Variants in NEMF observed in about 807,000 individuals in gnomAD.
The protein encoded by NEMF is ribosome quality control complex subunit NEMF.
In NEMF, 89 loss-of-function variants were observed where a neutral mutation model predicts 162.2. The observed-to-expected ratio is 0.55, with a 90% CI of 0.46 to 0.65. The LOEUF (loss-of-function observed/expected upper bound fraction) is 0.65, where lower values mean the gene tolerates loss of function less well. Ranked by LOEUF, NEMF falls within the 30% of genes least tolerant of loss-of-function variation. The probability of loss-of-function intolerance (pLI) is 0.00; values close to 1 mark genes in which losing one functional copy is unlikely to be tolerated. For missense variants in NEMF, 1,133 were observed against 1,261.9 expected (o/e 0.90, Z 1.55); for synonymous variants, 421 against 404.5 (o/e 1.04, Z -0.49).
At chr14:49,798,833 G>A (rs1379539627) in intron 25 of NEMF, among the ~76,000 whole-genome samples, 1 of 152,048 alleles carries the variant, frequency 6.6e-6, no homozygotes, top group Non-Finnish European at 1.5e-5. Flanking sequence ...CGTGAACCCG[G>A]GAGGTGGGGC....
rs188056862 is a variant in NEMF at position 49,818,438 on chromosome 14, C to T, written c.1578-3581G>A. On this transcript the variant is annotated intron_variant, in intron 16 of 32. Coordinates refer to ENST00000298310, the MANE Select transcript of NEMF (RefSeq NM_004713.6). ...AATCCTAAGCTGATGGTGAAAAAAG[C>T]AACAACTAAATTTGCAATGTAAAAC... is the stretch of plus-strand genomic sequence containing the variant. 4 of 152,204 alleles carry T rather than the reference C, an allele frequency of 2.6e-5. No individual in the cohort carries two copies. In the East Asian group the frequency reaches 7.7e-4, roughly 29 times the overall value. 9.4% of individuals were successfully genotyped at this position (152,204 alleles called of 1,614,324 possible). A position where few individuals can be genotyped will look rare whatever the true frequency, so the allele number is the denominator to read the frequency against.
At chr14:49,818,019 A>T (rs907177778) in intron 16 of NEMF, among the ~76,000 whole-genome samples, 9 of 152,134 alleles carry the variant, frequency 5.9e-5, no homozygotes, top group Non-Finnish European at 1.0e-4. Flanking sequence ...AACAAAACAG[A>T]GAGGGAGAAG....
chr14:49,798,080 C>G (rs1890774268), intron 25 of NEMF, among the ~76,000 whole-genome samples: 1 of 152,182 alleles, frequency 6.6e-6, no homozygotes, highest in East Asian at 1.9e-4. Flanking sequence ...TTTGCCCTGA[C>G]CTGCCAGGAT....
In NEMF at chr14:49,825,966, A is replaced by G; in HGVS notation, c.1489-11T>C. 2.6e-6 allele frequency: 4 copies of G among 1,567,318 alleles called. No homozygotes were observed. The highest frequency in any genetic ancestry group is 3.5e-6 in the Non-Finnish European group (4 of 1,144,752). On this transcript the variant is annotated splice_polypyrimidine_tract_variant and intron_variant, in intron 15 of 32. Coordinates refer to ENST00000298310, the MANE Select transcript of NEMF (RefSeq NM_004713.6). ...TGCTGACTTGAATGCCTATTTATAG[A>G]AAAGAGTTTTAAAAACAATTTGTTA...
At chr14:49,818,041 A>G (rs1884351716) in intron 16 of NEMF, among the ~76,000 whole-genome samples, 1 of 151,698 alleles carries the variant, frequency 6.6e-6, no homozygotes, top group African/African-American at 2.4e-5. Flanking sequence ...GACAAATACA[A>G]CCAAATTTTG....
In NEMF at chr14:49,796,893, T is replaced by C. The variant is rs547452128; in HGVS notation, c.2466-949A>G. 2.6e-5 allele frequency among the ~76,000 whole-genome samples: 4 copies of C among 152,352 alleles called. No homozygotes were observed. The South Asian group carries it at 8.3e-4, about 32-fold the overall frequency. Reference sequence around the variant, plus strand: ...CCAAAGAAGCACTCCCCTTTGTTAATGCTAATTCTCCTTGGAGTCTCCCTC... The same window carrying C: ...CCAAAGAAGCACTCCCCTTTGTTAACGCTAATTCTCCTTGGAGTCTCCCTC... On this transcript the variant is annotated intron_variant, in intron 25 of 32. Transcript: ENST00000298310.
In NEMF at chr14:49,838,226, T is replaced by C; in HGVS notation, c.507-20A>G. Reference sequence around the variant, plus strand: ...GTCAACCTGTGAAACAAAACGGACATGCCTCTATCATATCTTAAATAAACC... The same window carrying C: ...GTCAACCTGTGAAACAAAACGGACACGCCTCTATCATATCTTAAATAAACC... On this transcript the variant is annotated intron_variant, in intron 5 of 32. Transcript: ENST00000298310. 6 of 1,610,100 alleles carry C rather than the reference T, an allele frequency of 3.7e-6. No homozygotes were observed. The highest frequency in any genetic ancestry group is 2.2e-5 in the East Asian group (1 of 44,832).
At chr14:49,828,232 T>A in intron 15 of NEMF, 59 bp downstream of exon 15, 2 of 1,093,482 alleles carry the variant, frequency 1.8e-6, no homozygotes, top group Non-Finnish European at 2.8e-6. Context: ...GAAATAATTA[T>A]GTCCATTAAA....
At chr14:49,795,697 T>C in intron 26 of NEMF, 94 bp downstream of exon 26, 1 of 1,150,896 alleles carries the variant, frequency 8.7e-7, no homozygotes, top group Non-Finnish European at 1.3e-6. Context: ...GGATTATTTT[T>C]TGGCCTACAT....
At position 49,828,369 on chromosome 14, in the gene NEMF, T is replaced by G. The variant is rs1210438856; in HGVS notation, c.1425-15A>C. 3 of 1,479,250 alleles carry G rather than the reference T, an allele frequency of 2.0e-6. No individual in the cohort carries two copies. The South Asian group carries it at 3.7e-5, about 18-fold the overall frequency. The allele number at this position is 1,479,250 out of a possible 1,614,324, so 91.6% of individuals were successfully genotyped here. ...GATCATAATACCTAGAAAAACATATTTCTCTTAAATTTTAAGTATAATATT... is the reference window on the plus strand; with the variant it reads ...GATCATAATACCTAGAAAAACATATGTCTCTTAAATTTTAAGTATAATATT... On this transcript the variant is annotated splice_polypyrimidine_tract_variant and intron_variant, in intron 14 of 32. Transcript: ENST00000298310.
At chr14:49,821,938 G>A (rs911286800) in intron 16 of NEMF, among the ~76,000 whole-genome samples, 5 of 152,068 alleles carry the variant, frequency 3.3e-5, no homozygotes, top group African/African-American at 9.7e-5. Context: ...AGTAGACATG[G>A]GAGACTTTTC....
chr14:49,800,591 C>A lies in NEMF; in HGVS notation c.2201G>T (p.Gly734Val), dbSNP rs367786729. Residue 734 changes from glycine (G) to valine (V), a missense_variant, in exon 23 of 33, where the codon GGC becomes GTC. By Grantham distance (109) the Gly-to-Val change is moderately radical. Coordinates refer to ENST00000298310, the MANE Select transcript of NEMF (RefSeq NM_004713.6). ...VDQEDITLQS[G>V]RDELNEELIQ... is the part of the protein sequence containing the mutation. Reference sequence around the variant, plus strand: ...GAGCTCCTCATTTAGTTCATCTCTGCCACTCTGAAGAGTGATATCCTCTTG... The same window carrying A: ...GAGCTCCTCATTTAGTTCATCTCTGACACTCTGAAGAGTGATATCCTCTTG... The A allele has an allele frequency of 1.8e-5, 29 of 1,613,738 alleles. No individual in the cohort carries two copies. Among genetic ancestry groups the A allele is most frequent in the Non-Finnish European group, 1.9e-5 (22 of 1,179,834 alleles).
At chr14:49,804,230 TCC>T (rs1186325407) in intron 19 of NEMF, among the ~76,000 whole-genome samples, 6 of 151,834 alleles carry the variant, frequency 4.0e-5, no homozygotes, top group Admixed American at 2.6e-4. Flanking sequence ...GGCCTTGAAC[TCC>T]TGACTTCATG....
At chr14:49,785,359 C>G in intron 29 of NEMF, 39 bp from the exon 30 acceptor site, 1 of 1,391,080 alleles carries the variant, frequency 7.2e-7, no homozygotes, top group Non-Finnish European at 1.0e-6. Flanking sequence ...GCAATTTATA[C>G]CGCCCTTTAC....
Position 49,851,889 on chromosome 14 carries a change from G to C in NEMF, c.60-14C>G, listed in dbSNP as rs780689970. ...ATTCCTAGCAAGCTGCAAAGATAAA[G>C]GAAACATGTAACATGTTACACTATT... On this transcript the variant is annotated splice_polypyrimidine_tract_variant and intron_variant, in intron 1 of 32. Coordinates refer to ENST00000298310, the MANE Select transcript of NEMF (RefSeq NM_004713.6). 6.6e-7 allele frequency: 1 copy of C among 1,508,304 alleles called. No homozygotes were observed. Among genetic ancestry groups the C allele is most frequent in the Admixed American group, 2.0e-5 (1 of 51,152 alleles). The allele number at this position is 1,508,304 out of a possible 1,614,324, so 93.4% of individuals were successfully genotyped here.
intron 7 of NEMF, 80 bp downstream of exon 7, chr14:49,834,283 C>A: frequency 1.1e-6 from 1 of 892,922 alleles, no homozygotes; most frequent in Non-Finnish European, 1.8e-6. Context: ...GAACCACCTG[C>A]TCCCTTATTA....
Position 49,846,281 on chromosome 14 carries a change from A to C in NEMF, c.232-16T>G, listed in dbSNP as rs770007405. 6.2e-7 allele frequency: 1 copy of C among 1,606,632 alleles called. No individual in the cohort carries two copies. The highest frequency in any genetic ancestry group is 8.5e-7 in the Non-Finnish European group (1 of 1,178,300). ...GTTTTCGGCACTAGCAAGAGAAAGA[A>C]AAAGGCATTCATTTAGTAAAAGTGA... On this transcript the variant is annotated splice_polypyrimidine_tract_variant and intron_variant, in intron 3 of 32. Transcript: ENST00000298310.
intron 6 of NEMF, among the ~76,000 whole-genome samples, chr14:49,834,780 A>C (rs1892815630): frequency 6.6e-6 from 1 of 152,246 alleles, no homozygotes; most frequent in East Asian, 1.9e-4. Flanking sequence ...ACCATGACCT[A>C]GCCTAAAATT....
Position 49,814,647 on chromosome 14 carries a change from T to A in NEMF, c.1681+107A>T. On this transcript the variant is annotated intron_variant, in intron 17 of 32. Coordinates refer to ENST00000298310, the MANE Select transcript of NEMF (RefSeq NM_004713.6). ...ATCATGCATCAAATCTTTCTACTAG[T>A]TAAATCTATCAAACAGAAGAGTATA... 8.3e-6 allele frequency: 5 copies of A among 600,760 alleles called. No homozygotes were observed. The South Asian group carries it at 1.1e-4, about 13-fold the overall frequency. 37.2% of individuals were successfully genotyped at this position (600,760 alleles called of 1,614,324 possible).
Sources: gnomAD v4.1 joint callset for allele counts (sites outside exome capture counted in the v4.1 genomes callset) on GRCh38, gnomAD v4.1.1 for gene constraint, MANE v1.5 for transcripts, NCBI Gene and HGNC (gene_info 2026-07-23, HGNC 2026-07-21) for gene names.